ZNF804A: variants seen among roughly 807,000 people sequenced by gnomAD.
ZNF804A encodes the protein zinc finger protein 804A.
Under a neutral mutation model 16.5 loss-of-function variants are expected in ZNF804A, and 2 were observed. The ratio of observed to expected loss-of-function variants is 0.12; its 90% CI spans 0.05 to 0.38. ZNF804A has a LOEUF of 0.38. Ranked by LOEUF, ZNF804A falls within the 10% of genes least tolerant of loss-of-function variation. ZNF804A has a pLI of 0.99. For missense variants in ZNF804A, 1,473 were observed against 1,390.7 expected (o/e 1.06, Z -0.94); for synonymous variants, 534 against 489.6 (o/e 1.09, Z -1.20).
rs1171679280 is a variant in ZNF804A, at chr2:184,933,502, G to A, written c.256-101G>A. 7 of 1,143,456 alleles carry A rather than the reference G, an allele frequency of 6.1e-6. 1 individual carries two copies. Among genetic ancestry groups the A allele is most frequent in the East Asian group, 5.4e-5 (2 of 37,342 alleles). 70.8% of individuals were successfully genotyped at this position (1,143,456 alleles called of 1,614,324 possible). On this transcript the variant is annotated intron_variant, in intron 2 of 3. Transcript: ENST00000302277. ...AATGTTGTGTTTACCTCTCGACAAG[G>A]TCAAAGATGATGCATTGGAAAATTT...
intron 1 of ZNF804A, among the ~76,000 whole-genome samples, chr2:184,798,004 ATATGTG>A (rs943658999): frequency 4.9e-4 from 61 of 123,442 alleles, no homozygotes; most frequent in African/African-American, 1.7e-3. Flanking sequence ...CATGGCTGAT[ATATGTG>A]TGTGTGTGTG....
intron 1 of ZNF804A, among the ~76,000 whole-genome samples, chr2:184,637,063 T>C (rs1324470887): frequency 1.3e-5 from 2 of 152,182 alleles, no homozygotes; most frequent in African/African-American, 2.4e-5. Flanking sequence ...TTTCAATAGT[T>C]TCTGAAATAT....
chr2:184,802,406 C>T (rs572697573), intron 1 of ZNF804A, among the ~76,000 whole-genome samples: 5 of 152,278 alleles, frequency 3.3e-5, no homozygotes, highest in South Asian at 4.1e-4. Context: ...TGGAGAATAT[C>T]GTTGTGTCCT....
intron 1 of ZNF804A, among the ~76,000 whole-genome samples, chr2:184,657,320 C>G (rs1036222187): frequency 6.6e-6 from 1 of 152,114 alleles, no homozygotes; most frequent in Non-Finnish European, 1.5e-5. Context: ...CTCCTGGACT[C>G]AAGTGATCCA....
chr2:184,897,419 C>G (rs1685086966), intron 2 of ZNF804A, among the ~76,000 whole-genome samples: 2 of 150,866 alleles, frequency 1.3e-5, no homozygotes, highest in South Asian at 4.2e-4. Flanking sequence ...GATTTTTCCC[C>G]CCCTTTTTTC....
At chr2:184,784,435 A>T (rs1003595917) in intron 1 of ZNF804A, among the ~76,000 whole-genome samples, 2 of 151,958 alleles carry the variant, frequency 1.3e-5, no homozygotes, top group Non-Finnish European at 2.9e-5. Flanking sequence ...GTCTGATGGC[A>T]TACAGTTTAT....
At chr2:184,885,037 A>C (rs1188147252) in intron 2 of ZNF804A, among the ~76,000 whole-genome samples, 1 of 152,226 alleles carries the variant, frequency 6.6e-6, no homozygotes, top group African/African-American at 2.4e-5. Flanking sequence ...AAGTAGGCAA[A>C]AGACACGAAC....
At chr2:184,878,422 A>G (rs1684748286) in intron 2 of ZNF804A, among the ~76,000 whole-genome samples, 1 of 152,056 alleles carries the variant, frequency 6.6e-6, no homozygotes, top group African/African-American at 2.4e-5. Flanking sequence ...GACTTCAATA[A>G]TGGAGGCAGC....
At chr2:184,816,338 T>C (rs1286106528) in intron 1 of ZNF804A, among the ~76,000 whole-genome samples, 5 of 151,976 alleles carry the variant, frequency 3.3e-5, no homozygotes, top group Admixed American at 6.6e-5. Context: ...GGAATACAGT[T>C]TTACCTTTGG....
At chr2:184,721,325 A>G (rs1693311001) in intron 1 of ZNF804A, among the ~76,000 whole-genome samples, 1 of 152,160 alleles carries the variant, frequency 6.6e-6, no homozygotes, top group Non-Finnish European at 1.5e-5. Flanking sequence ...TTAAATGGGA[A>G]AAATATGTGC....
At chr2:184,787,469 AC>A (rs1178402583) in intron 1 of ZNF804A, among the ~76,000 whole-genome samples, 1 of 151,944 alleles carries the variant, frequency 6.6e-6, no homozygotes. Flanking sequence ...TTGCATTGCT[AC>A]CAACAGTGTC....
At chr2:184,870,598 G>A (rs1239770551) in intron 2 of ZNF804A, among the ~76,000 whole-genome samples, 1 of 151,872 alleles carries the variant, frequency 6.6e-6, no homozygotes, top group Admixed American at 6.6e-5. Context: ...TGCCATTCAA[G>A]TCGTTCACTG....
chr2:184,780,120 T>G (rs1211020531), intron 1 of ZNF804A, among the ~76,000 whole-genome samples: 1 of 151,822 alleles, frequency 6.6e-6, no homozygotes, highest in Non-Finnish European at 1.5e-5. Flanking sequence ...AAAGTCTACC[T>G]AATACTGATT....
intron 1 of ZNF804A, among the ~76,000 whole-genome samples, chr2:184,754,941 C>T (rs1361749281): frequency 1.3e-5 from 2 of 151,784 alleles, no homozygotes; most frequent in African/African-American, 2.4e-5. Flanking sequence ...CATCAGATCT[C>T]GTGAGAAGTC....
chr2:184,710,009 A>G (rs1482638228), intron 1 of ZNF804A, among the ~76,000 whole-genome samples: 1 of 151,258 alleles, frequency 6.6e-6, no homozygotes, highest in Non-Finnish European at 1.5e-5. Context: ...GCTTCACACC[A>G]GGAGTTCAAA....
At chr2:184,682,914 G>A (rs1317110700) in intron 1 of ZNF804A, among the ~76,000 whole-genome samples, 2 of 152,102 alleles carry the variant, frequency 1.3e-5, no homozygotes, top group Non-Finnish European at 2.9e-5. Flanking sequence ...AGGCTGAGGT[G>A]GGAGAATCAC....
intron 2 of ZNF804A, among the ~76,000 whole-genome samples, chr2:184,872,123 G>A (rs1695984144): frequency 6.6e-6 from 1 of 152,086 alleles, no homozygotes; most frequent in African/African-American, 2.4e-5. Context: ...TCTTTCATTA[G>A]ATTGGCATTT....
At chr2:184,736,751 T>C (rs1693620149) in intron 1 of ZNF804A, among the ~76,000 whole-genome samples, 1 of 152,176 alleles carries the variant, frequency 6.6e-6, no homozygotes, top group African/African-American at 2.4e-5. Context: ...AGTTTATTTG[T>C]TTGTTTTTAA....
intron 1 of ZNF804A, among the ~76,000 whole-genome samples, chr2:184,703,650 A>C (rs1310848404): frequency 2.2e-5 from 3 of 133,434 alleles, no homozygotes; most frequent in Non-Finnish European, 4.6e-5. Context: ...AGATTGCGCC[A>C]CTGCACTCCA....
Sources: allele counts gnomAD v4.1 joint callset (sites outside exome capture counted in the v4.1 genomes callset), GRCh38; gene constraint gnomAD v4.1.1; transcripts MANE v1.5; gene names NCBI Gene and HGNC (gene_info 2026-07-23, HGNC 2026-07-21).